Variants in LAMA1 observed in about 807,000 individuals in gnomAD.
LAMA1 encodes laminin subunit alpha-1.
A neutral mutation model predicts 348.7 loss-of-function variants in LAMA1; 219 were observed. The ratio of observed to expected loss-of-function variants is 0.63; its 90% CI spans 0.56 to 0.70. The LOEUF is 0.70. Among genes scored for constraint, LAMA1 ranks in the 30% least tolerant of loss-of-function variants. The pLI, the probability that LAMA1 is intolerant of heterozygous loss-of-function variation, is 0.00. For missense variants in LAMA1, 3,744 were observed against 3,888.0 expected (o/e 0.96, Z 0.99); for synonymous variants, 1,487 against 1,491.0 (o/e 1.00, Z 0.06).
intron 1 of LAMA1, among the ~76,000 whole-genome samples, chr18:7,103,184 G>A (rs1269314255): frequency 2.6e-5 from 4 of 152,150 alleles, no homozygotes; most frequent in Non-Finnish European, 4.4e-5. Context: ...TTGGGAGGCC[G>A]AGGCAGGCGG....
In LAMA1 at chr18:6,985,569, A is replaced by G; in HGVS notation, c.5454T>C (p.Asp1818=). The change falls in exon 38 of 63, where the codon GAT becomes GAC. Residue 1818 remains aspartate (D), a synonymous_variant. Transcript: ENST00000389658. ...CAGCATCTGTTTGTGCAGCAGCAGCATCTATCAATCCTCTTCCTTGGACAA... is the reference window on the plus strand; with the variant it reads ...CAGCATCTGTTTGTGCAGCAGCAGCGTCTATCAATCCTCTTCCTTGGACAA... ...ELIVQGRGLI[D]AAAAQTDAVQ... 9 of 1,614,202 alleles carry G rather than the reference A, an allele frequency of 5.6e-6. No homozygotes were observed. The highest frequency in any genetic ancestry group is 7.6e-6 in the Non-Finnish European group (9 of 1,180,032).
chr18:7,042,403 A>T (rs648161), intron 8 of LAMA1, 153 bp from the exon 9 acceptor site: 2 of 638,478 alleles, frequency 3.1e-6, no homozygotes, highest in Non-Finnish European at 5.8e-6. Context: ...GGAAGATAAG[A>T]TGATCCCAAG....
At chr18:7,074,077 A>G (rs1271301834) in intron 3 of LAMA1, among the ~76,000 whole-genome samples, 1 of 150,532 alleles carries the variant, frequency 6.6e-6, no homozygotes, top group Non-Finnish European at 1.5e-5. Flanking sequence ...TCGTGATCTG[A>G]CCTCCTCGGC....
chr18:6,985,138 CA>C (rs2057728360), intron 39 of LAMA1, 98 bp downstream of exon 39: 1 of 1,423,222 alleles, frequency 7.0e-7, no homozygotes, highest in African/African-American at 1.4e-5. Context: ...CATTTTTACA[CA>C]AAGGAAGAGT....
intron 19 of LAMA1, among the ~76,000 whole-genome samples, chr18:7,021,287 GT>G (rs1252638859): frequency 6.6e-6 from 1 of 152,118 alleles, no homozygotes; most frequent in Non-Finnish European, 1.5e-5. Flanking sequence ...TCACAGTCCT[GT>G]CCTGTGGCCG....
intron 16 of LAMA1, among the ~76,000 whole-genome samples, chr18:7,027,729 G>T (rs186641524): frequency 1.3e-5 from 2 of 152,286 alleles, no homozygotes; most frequent in Non-Finnish European, 2.9e-5. Context: ...GACCACCTGA[G>T]GTCAGGAGTT....
chr18:6,942,289 C>A (rs757233773), intron 62 of LAMA1, 50 bp from the exon 63 acceptor site: 1 of 1,589,932 alleles, frequency 6.3e-7, no homozygotes. Flanking sequence ...TGTTGAAATG[C>A]GATCCATAGC....
rs1451513103 is a variant in LAMA1 at position 7,049,224 on chromosome 18, C to T, written c.622G>A (p.Ala208Thr). ...AACAACTTGGGTGAAAGATCGTCAG[C>T]GCTTGGTCTGCCATTGATGAGTGAT... ...HTSLINGRPS[A>T]DDLSPKLLEF... Residue 208 changes from alanine (A) to threonine (T), a missense_variant, in exon 5 of 63, where the codon GCT (alanine) becomes ACT (threonine). Physicochemically the swap from Ala to Thr is moderately conservative, Grantham distance 58. Transcript: ENST00000389658. 1.1e-5 allele frequency: 18 copies of T among 1,614,004 alleles called. No individual in the cohort carries two copies. Among genetic ancestry groups the T allele is most frequent in the East Asian group, 2.2e-5 (1 of 44,868 alleles).
chr18:7,007,715 A>C (rs1439280614), intron 28 of LAMA1, among the ~76,000 whole-genome samples: 1 of 152,142 alleles, frequency 6.6e-6, no homozygotes, highest in Non-Finnish European at 1.5e-5. Context: ...CACAATAGCC[A>C]AGATGGGGAA....
intron 1 of LAMA1, among the ~76,000 whole-genome samples, chr18:7,084,982 A>G (rs982245507): frequency 1.3e-5 from 2 of 152,160 alleles, no homozygotes; most frequent in African/African-American, 4.8e-5. Context: ...AAGCATTCAA[A>G]GTCTTAATTC....
intron 28 of LAMA1, among the ~76,000 whole-genome samples, chr18:7,007,913 T>A (rs79727980): frequency 2.9e-4 from 39 of 136,738 alleles, no homozygotes; most frequent in Non-Finnish European, 3.7e-4. Flanking sequence ...ATTACTCCAC[T>A]TTTATTTATT....
intron 3 of LAMA1, among the ~76,000 whole-genome samples, chr18:7,052,370 A>G (rs1043694640): frequency 4.6e-5 from 7 of 151,872 alleles, no homozygotes; most frequent in African/African-American, 1.5e-4. Flanking sequence ...AGCAGAGGTT[A>G]CAGGGAGCTG....
At chr18:7,056,982 C>T (rs2058084715) in intron 3 of LAMA1, among the ~76,000 whole-genome samples, 1 of 151,984 alleles carries the variant, frequency 6.6e-6, no homozygotes, top group African/African-American at 2.4e-5. Flanking sequence ...AGTGATTCTC[C>T]TGCCTCAGCC....
intron 14 of LAMA1, 30 bp downstream of exon 14, chr18:7,034,449 G>A (rs566825): frequency 0.4 from 606,978 of 1,527,270 alleles, 125,597 homozygotes; most frequent in African/African-American, 0.65. Flanking sequence ...TACCTTCACC[G>A]TAAGTTTTTC....
intron 16 of LAMA1, among the ~76,000 whole-genome samples, chr18:7,030,561 G>A (rs187068865): frequency 1.1e-4 from 17 of 152,220 alleles, no homozygotes; most frequent in Non-Finnish European, 2.1e-4. Context: ...GTAGCATTAG[G>A]GGATGCTGGG....
At chr18:7,108,580 C>T (rs1463515645) in intron 1 of LAMA1, among the ~76,000 whole-genome samples, 1 of 126,480 alleles carries the variant, frequency 7.9e-6, no homozygotes, top group East Asian at 2.7e-4. Flanking sequence ...TGCTTGAACC[C>T]GGAAGGCAGA....
intron 32 of LAMA1, among the ~76,000 whole-genome samples, chr18:6,998,110 A>C (rs1222480233): frequency 6.6e-6 from 1 of 152,198 alleles, no homozygotes; most frequent in East Asian, 1.9e-4. Flanking sequence ...GACTCAGATC[A>C]GATAAGTAAC....
At chr18:7,099,517 G>A (rs557358441) in intron 1 of LAMA1, among the ~76,000 whole-genome samples, 6 of 150,664 alleles carry the variant, frequency 4.0e-5, no homozygotes, top group Admixed American at 4.0e-4. Context: ...CTTACACCCT[G>A]ACTCCTTACC....
intron 1 of LAMA1, among the ~76,000 whole-genome samples, chr18:7,081,187 A>G (rs1435086458): frequency 6.6e-6 from 1 of 152,138 alleles, no homozygotes; most frequent in Non-Finnish European, 1.5e-5. Flanking sequence ...CCAAGGCGAG[A>G]GTATGGGTGT....
Sources: allele counts gnomAD v4.1 joint callset (sites outside exome capture counted in the v4.1 genomes callset), GRCh38; gene constraint gnomAD v4.1.1; transcripts MANE v1.5; gene names NCBI Gene and HGNC (gene_info 2026-07-23, HGNC 2026-07-21).